SLC18A2: variants seen among roughly 807,000 people sequenced by gnomAD.
The protein encoded by SLC18A2 is synaptic vesicular amine transporter.
A neutral mutation model predicts 59.2 loss-of-function variants in SLC18A2; 33 were observed. That is an observed-to-expected ratio of 0.56 (90% CI 0.42 to 0.75). The LOEUF is 0.75. Ranked by LOEUF, SLC18A2 falls within the 30% of genes least tolerant of loss-of-function variation. The pLI, the probability that SLC18A2 is intolerant of heterozygous loss-of-function variation, is 0.00. For synonymous variants in SLC18A2, 228 were observed against 253.5 expected (o/e 0.90, Z 0.95); for missense variants, 569 against 668.6 (o/e 0.85, Z 1.64).
intron 2 of SLC18A2, among the ~76,000 whole-genome samples, chr10:117,242,987 C>T (rs1844072299): frequency 6.6e-6 from 1 of 152,184 alleles, no homozygotes; most frequent in South Asian, 2.1e-4. Flanking sequence ...CCGCCTCGAC[C>T]TCCCAAAATG....
rs1565003755 is a variant in SLC18A2, at chr10:117,254,066, G to A, written c.542G>A (p.Ser181Asn). 2.5e-6 allele frequency: 4 copies of A among 1,613,652 alleles called. No individual in the cohort carries two copies. The highest frequency in any genetic ancestry group is 3.4e-6 in the Non-Finnish European group (4 of 1,180,030). Residue 181 changes from serine (S) to asparagine (N), a missense_variant, in exon 5 of 16, where the codon AGC (serine) becomes AAC (asparagine). Transcript: ENST00000644641. Reference protein sequence around the residue: ...VSTIMFAFSSSYAFLLIARSL... With the variant: ...VSTIMFAFSSNYAFLLIARSL... The stretch of plus-strand genomic sequence containing the variant: ...TCGGCAGTGTTTGCCTTCTCCAGCA[G>A]CTATGCCTTCCTGCTGATTGCCAGG...
intron 10 of SLC18A2, among the ~76,000 whole-genome samples, chr10:117,259,303 A>G (rs1275601567): frequency 1.3e-5 from 2 of 152,226 alleles, no homozygotes; most frequent in Non-Finnish European, 2.9e-5. Context: ...GTTTCTGGCA[A>G]AGATGAAAAA....
Position 117,241,860 on chromosome 10 carries a change from G to A in SLC18A2, c.121+46G>A, listed in dbSNP as rs1254988165. 3.2e-6 allele frequency: 5 copies of A among 1,548,686 alleles called. No homozygotes were observed. The South Asian group carries it at 4.7e-5, about 15-fold the overall frequency. The stretch of plus-strand genomic sequence containing the variant: ...CCTGCCCCGGCACCCCAGCCCCAGC[G>A]CCCCTTCCCCGGCACTCCACTTACC... On this transcript the variant is annotated intron_variant, in intron 2 of 15. Transcript: ENST00000644641.
chr10:117,261,351 A>G (rs1844293131), intron 10 of SLC18A2, among the ~76,000 whole-genome samples: 2 of 152,190 alleles, frequency 1.3e-5, no homozygotes, highest in South Asian at 4.1e-4. Context: ...CTTGTTGCCC[A>G]GGCTGGAGTG....
intron 10 of SLC18A2, among the ~76,000 whole-genome samples, chr10:117,258,206 C>CTAA (rs1441545727): frequency 6.6e-6 from 1 of 152,210 alleles, no homozygotes; most frequent in African/African-American, 2.4e-5. Context: ...GTGAAAGAGA[C>CTAA]TAATAACAAA....
chr10:117,242,034 A>T, intron 2 of SLC18A2: 1 of 469,812 alleles, frequency 2.1e-6, no homozygotes, highest in Non-Finnish European at 3.8e-6. Context: ...AAAAACTGTG[A>T]CATCCGATAA....
At chr10:117,259,935 C>T (rs1391197509) in intron 10 of SLC18A2, among the ~76,000 whole-genome samples, 3 of 152,170 alleles carry the variant, frequency 2.0e-5, no homozygotes, top group Non-Finnish European at 2.9e-5. Context: ...TCCTGTTTTA[C>T]TCCAGTTGGC....
rs372101730 is a variant in SLC18A2, at chr10:117,267,048, T to C, written c.1122+13T>C. ...CAGCATTTTATGTGTGAGTAAAAGA[T>C]GGCATTTGACAAGTGGGAACAATCT... On this transcript the variant is annotated intron_variant, in intron 12 of 15. Coordinates refer to ENST00000644641, the MANE Select transcript of SLC18A2 (RefSeq NM_003054.6). The C allele has an allele frequency of 3.1e-6, 5 of 1,606,502 alleles. No individual in the cohort carries two copies. The African/African-American group carries it at 4.0e-5, about 13-fold the overall frequency.
At chr10:117,253,527 A>G in intron 4 of SLC18A2, 70 bp downstream of exon 4, 1 of 557,826 alleles carries the variant, frequency 1.8e-6, no homozygotes, top group South Asian at 1.6e-5. Flanking sequence ...ATGAGCCGGG[A>G]ATTAACAATA....
At position 117,269,239 on chromosome 10, in the gene SLC18A2, A is replaced by G. The variant is rs1413836947; in HGVS notation, c.1187-832A>G. Among the ~76,000 whole-genome samples the G allele has an allele frequency of 6.6e-6, 1 of 151,576 alleles. No individual in the cohort carries two copies. The highest frequency in any genetic ancestry group is 1.5e-5 in the Non-Finnish European group (1 of 67,694). ...CACACATACACAAATACAAGTACAT[A>G]CACAAACACATATACACAGACACAT... On this transcript the variant is annotated intron_variant, in intron 13 of 15. Coordinates refer to ENST00000644641, the MANE Select transcript of SLC18A2 (RefSeq NM_003054.6). This position sits in a 1 kb window ranked among gnomAD's most constrained non-coding sequence, Gnocchi z 5.1.
Position 117,244,097 on chromosome 10 carries a change from A to T in SLC18A2, c.248A>T (p.Asp83Val). The T allele has an allele frequency of 1.2e-6, 2 of 1,614,194 alleles. No individual in the cohort carries two copies. The highest frequency in any genetic ancestry group is 1.7e-5 in the Admixed American group (1 of 60,024). Residue 83 changes from aspartate to valine, a missense_variant, in exon 3 of 16, where the codon GAT (aspartate) becomes GTT (valine). Physicochemically the swap from Asp to Val is radical, Grantham distance 152. Coordinates refer to ENST00000644641, the MANE Select transcript of SLC18A2 (RefSeq NM_003054.6). ...TTCCAGAGCATCTTCTCCTATTATGATAACTCGACTATGGTCACCGGGAAT... is the reference window on the plus strand; with the variant it reads ...TTCCAGAGCATCTTCTCCTATTATGTTAACTCGACTATGGTCACCGGGAAT... ...DSFQSIFSYY[D>V]NSTMVTGNAT...
At chr10:117,243,743 G>A (rs1021652704) in intron 2 of SLC18A2, among the ~76,000 whole-genome samples, 8 of 152,030 alleles carry the variant, frequency 5.3e-5, no homozygotes, top group African/African-American at 1.2e-4. Context: ...GTGCCACCAC[G>A]CCCAGCTAAT....
At chr10:117,267,461 T>C (rs1844361156) in intron 12 of SLC18A2, 2 of 464,718 alleles carry the variant, frequency 4.3e-6, no homozygotes, top group Admixed American at 6.7e-5. Flanking sequence ...CGGTGACAAG[T>C]TTTTCATGGT....
chr10:117,261,890 C>T (rs777968004), intron 10 of SLC18A2, among the ~76,000 whole-genome samples: 3 of 152,086 alleles, frequency 2.0e-5, no homozygotes, highest in Non-Finnish European at 2.9e-5. Context: ...CATCACTGAG[C>T]GATGCACTGT....
At chr10:117,244,426 G>A (rs1844089650) in intron 3 of SLC18A2, 113 bp downstream of exon 3, 1 of 977,248 alleles carries the variant, frequency 1.0e-6, no homozygotes, top group Admixed American at 2.6e-5. Context: ...ATCCATGGTG[G>A]GTGAGCTGGG....
chr10:117,242,888 A>G (rs1170929174), intron 2 of SLC18A2, among the ~76,000 whole-genome samples: 1 of 151,922 alleles, frequency 6.6e-6, no homozygotes, highest in Non-Finnish European at 1.5e-5. Context: ...TGCCCCACCA[A>G]AGCTGGCTAA....
rs148348449 is a variant in SLC18A2 at position 117,241,742 on chromosome 10, C to T, written c.49C>T (p.Arg17Cys). The change falls in exon 2 of 16, where the codon CGC becomes TGC. Residue 17 changes from arginine (R) to cysteine (C), a missense_variant. Transcript: ENST00000644641. Reference sequence around the variant, plus strand: ...GGTCCGCTGGCTGCAGGAGAGCCGCCGCTCGCGGAAGCTCATCCTGTTCAT... The same window carrying T: ...GGTCCGCTGGCTGCAGGAGAGCCGCTGCTCGCGGAAGCTCATCCTGTTCAT... ...ALVRWLQESR[R>C]SRKLILFIVF... The T allele has an allele frequency of 4.9e-4, 792 of 1,609,854 alleles. No homozygotes were observed. Among genetic ancestry groups the T allele is most frequent in the Non-Finnish European group, 5.9e-4 (700 of 1,178,846 alleles).
intron 6 of SLC18A2, among the ~76,000 whole-genome samples, 194 bp from the exon 7 acceptor site, chr10:117,255,083 C>T (rs1170361052): frequency 1.3e-5 from 2 of 152,220 alleles, no homozygotes; most frequent in East Asian, 3.8e-4. Context: ...GACTCCTGCC[C>T]ATTTCTTAGG....
rs779405897 is a variant in SLC18A2, at chr10:117,254,454, C to T, written c.657C>T (p.Asn219=). Reference sequence around the variant, plus strand: ...ACACAGATGATGAAGAGAGAGGCAACGTCATGGGAATCGCCTTGGGAGGCC... The same window carrying T: ...ACACAGATGATGAAGAGAGAGGCAATGTCATGGGAATCGCCTTGGGAGGCC... The part of the protein sequence containing the change: ...SVYTDDEERG[N]VMGIALGGLA... The change falls in exon 6 of 16, where the codon AAC becomes AAT. Residue 219 remains asparagine (N), a synonymous_variant. Transcript: ENST00000644641. 3.5e-5 allele frequency: 57 copies of T among 1,609,514 alleles called. No homozygotes were observed. The highest frequency in any genetic ancestry group is 3.2e-4 in the South Asian group (29 of 90,446).
Sources: gnomAD v4.1 joint callset for allele counts (sites outside exome capture counted in the v4.1 genomes callset) on GRCh38, gnomAD v4.1.1 for gene constraint, Gnocchi (gnomAD v3.1) non-coding constraint, MANE v1.5 for transcripts, NCBI Gene and HGNC (gene_info 2026-07-23, HGNC 2026-07-21) for gene names.